SIPA1L3: variants seen among roughly 807,000 people sequenced by gnomAD.
SIPA1L3 encodes the protein signal induced proliferation associated 1 like 3.
In SIPA1L3, 59 loss-of-function variants were observed where a neutral mutation model predicts 150.1. The observed-to-expected ratio is 0.39, with a 90% CI of 0.32 to 0.49. The LOEUF (loss-of-function observed/expected upper bound fraction) is 0.49, where lower values mean the gene tolerates loss of function less well. Among genes scored for constraint, SIPA1L3 ranks in the 20% least tolerant of loss-of-function variants. The pLI, the probability that SIPA1L3 is intolerant of heterozygous loss-of-function variation, is 0.86. For synonymous variants in SIPA1L3, 1,070 were observed against 1,077.6 expected, an observed-to-expected ratio of 0.99 and a Z score of 0.14; for missense variants, 2,211 against 2,489.5, an observed-to-expected ratio of 0.89 and a Z score of 2.38.
chr19:38,014,890 C>T (rs982401537), intron 1 of SIPA1L3, among the ~76,000 whole-genome samples: 28 of 152,126 alleles, frequency 1.8e-4, no homozygotes, highest in Non-Finnish European at 3.2e-4. Context: ...AGGATGGTCT[C>T]GATCTCCTGA....
chr19:37,991,652 G>A (rs577903075), intron 1 of SIPA1L3, among the ~76,000 whole-genome samples: 2 of 152,216 alleles, frequency 1.3e-5, no homozygotes, highest in Non-Finnish European at 2.9e-5. Context: ...CACTGTTCCC[G>A]GGAATGCAGC....
intron 1 of SIPA1L3, among the ~76,000 whole-genome samples, chr19:37,956,207 G>GT (rs1440779003): frequency 6.6e-6 from 1 of 152,176 alleles, no homozygotes; most frequent in African/African-American, 2.4e-5. Context: ...AGCCATCCTG[G>GT]TGGGTGTGCA....
intron 13 of SIPA1L3, among the ~76,000 whole-genome samples, chr19:38,159,735 G>A (rs947398724): frequency 6.6e-6 from 1 of 152,222 alleles, no homozygotes; most frequent in Non-Finnish European, 1.5e-5. Flanking sequence ...CACATCTATC[G>A]GAGATGCTCC....
chr19:37,940,535 C>T (rs2046644861), intron 1 of SIPA1L3, among the ~76,000 whole-genome samples: 1 of 152,110 alleles, frequency 6.6e-6, no homozygotes, highest in Admixed American at 6.6e-5. Flanking sequence ...CAGATCATCT[C>T]ATAAATATCT....
intron 1 of SIPA1L3, among the ~76,000 whole-genome samples, chr19:38,024,772 T>C (rs1418338764): frequency 1.3e-5 from 2 of 152,182 alleles, no homozygotes; most frequent in Non-Finnish European, 2.9e-5. Flanking sequence ...AGAAGGGTCA[T>C]GTTCGCCCAA....
intron 1 of SIPA1L3, among the ~76,000 whole-genome samples, chr19:37,995,155 C>T (rs1967605235): frequency 6.6e-6 from 1 of 152,164 alleles, no homozygotes; most frequent in Non-Finnish European, 1.5e-5. Context: ...GCAGACCTCT[C>T]TTTACATTCC....
chr19:38,180,392 G>C (rs1972528934), intron 15 of SIPA1L3, among the ~76,000 whole-genome samples: 1 of 151,794 alleles, frequency 6.6e-6, no homozygotes, highest in Non-Finnish European at 1.5e-5. Context: ...CAACTCCTGG[G>C]CTTGAGTGAT....
chr19:38,088,810 G>A lies in SIPA1L3; in HGVS notation c.1624G>A (p.Gly542Arg), dbSNP rs138402310. 9.1e-4 allele frequency: 1,461 copies of A among 1,614,056 alleles called. 1 individual carries two copies. Among genetic ancestry groups the A allele is most frequent in the Non-Finnish European group, 1.1e-3 (1,319 of 1,179,960 alleles). The change falls in exon 4 of 22, where the codon GGA (glycine) becomes AGA (arginine). Residue 542 changes from glycine to arginine, a missense_variant. Around this residue, in one of 5 missense-constraint regions of SIPA1L3, gnomAD observed 625 missense variants for 804.2 expected, o/e 0.78. Transcript: ENST00000222345. ...GAAGCTGGAAGACCACAAGGAGCACGGACCTCAGTACCAGTACAGGATCAT... is the reference window on the plus strand; with the variant it reads ...GAAGCTGGAAGACCACAAGGAGCACAGACCTCAGTACCAGTACAGGATCAT... ...REKLEDHKEH[G>R]PQYQYRIIFR...
At chr19:37,995,992 G>A (rs1967631837) in intron 1 of SIPA1L3, among the ~76,000 whole-genome samples, 1 of 152,050 alleles carries the variant, frequency 6.6e-6, no homozygotes, top group Non-Finnish European at 1.5e-5. Flanking sequence ...ATAGTTCACT[G>A]TAACCTTGAA....
chr19:38,000,981 CACACAT>C (rs1967790295), intron 1 of SIPA1L3, among the ~76,000 whole-genome samples: 5 of 121,840 alleles, frequency 4.1e-5, no homozygotes, highest in Non-Finnish European at 6.7e-5. Context: ...ACATATATAA[CACACAT>C]ATATATAACA....
At chr19:38,111,076 T>C (rs1156289694) in intron 8 of SIPA1L3, among the ~76,000 whole-genome samples, 1 of 151,006 alleles carries the variant, frequency 6.6e-6, no homozygotes, top group Non-Finnish European at 1.5e-5. Flanking sequence ...CAGGCTGGAA[T>C]GCAGTGGTGC....
At chr19:37,922,804 A>C (rs944976578) in intron 1 of SIPA1L3, among the ~76,000 whole-genome samples, 3 of 151,842 alleles carry the variant, frequency 2.0e-5, no homozygotes, top group African/African-American at 2.4e-5. Flanking sequence ...CTCACCTTCA[A>C]GTGGAAGAGT....
intron 1 of SIPA1L3, among the ~76,000 whole-genome samples, chr19:37,990,086 GT>G (rs1750468762): frequency 6.6e-6 from 1 of 152,092 alleles, no homozygotes; most frequent in Non-Finnish European, 1.5e-5. Context: ...CTTCTCTGGC[GT>G]TTCCTCTGTG....
intron 1 of SIPA1L3, among the ~76,000 whole-genome samples, chr19:37,924,368 T>C (rs2046482784): frequency 6.6e-6 from 1 of 151,786 alleles, no homozygotes; most frequent in Non-Finnish European, 1.5e-5. Context: ...AACAGTGCCT[T>C]CTTCTGGAAT....
At chr19:38,000,912 C>CATATATATATAACAT (rs58090023) in intron 1 of SIPA1L3, among the ~76,000 whole-genome samples, 4 of 138,060 alleles carry the variant, frequency 2.9e-5, no homozygotes, top group Non-Finnish European at 4.6e-5. Flanking sequence ...ATATATATAA[C>CATATATATATAACAT]ATATATATAA....
intron 1 of SIPA1L3, among the ~76,000 whole-genome samples, chr19:37,938,951 T>C (rs1313544576): frequency 6.6e-6 from 1 of 152,152 alleles, no homozygotes; most frequent in African/African-American, 2.4e-5. Context: ...TATTGAATTG[T>C]AGGTGTTCTT....
At chr19:38,100,989 T>G in intron 5 of SIPA1L3, 63 bp from the exon 6 acceptor site, 3 of 1,486,698 alleles carry the variant, frequency 2.0e-6, no homozygotes, top group Non-Finnish European at 2.7e-6. Flanking sequence ...ACATACCCCT[T>G]GCTCCCTTCC....
At chr19:38,204,085 G>A (rs1973150532) in intron 20 of SIPA1L3, 42 bp from the exon 21 acceptor site, 1 of 1,509,630 alleles carries the variant, frequency 6.6e-7, no homozygotes. Context: ...CTTCCCCAGG[G>A]GCTTTAGGGC....
rs368443724 is a variant in SIPA1L3 at position 38,171,729 on chromosome 19, C to T, written c.4208+6823C>T. Among the ~76,000 whole-genome samples, 6 of 152,184 alleles carry T rather than the reference C, an allele frequency of 3.9e-5. No homozygotes were observed. The East Asian group carries it at 1.2e-3, about 29-fold the overall frequency. ...TAAATTAGCTGGGTATGGCAGTAGGCTCCTGCAGTCCCAGCTACTCAAGAG... is the reference window on the plus strand; with the variant it reads ...TAAATTAGCTGGGTATGGCAGTAGGTTCCTGCAGTCCCAGCTACTCAAGAG... On this transcript the variant is annotated intron_variant, in intron 15 of 21. Transcript: ENST00000222345.
Sources: allele counts gnomAD v4.1 joint callset (sites outside exome capture counted in the v4.1 genomes callset), GRCh38; gene constraint gnomAD v4.1.1; regional missense constraint gnomAD v4.1.1; transcripts MANE v1.5; gene names NCBI Gene and HGNC (gene_info 2026-07-23, HGNC 2026-07-21).